Variants in GHR observed in about 807,000 individuals in gnomAD.
GHR encodes GH receptor.
A neutral mutation model predicts 67.1 loss-of-function variants in GHR; 35 were observed. The ratio of observed to expected loss-of-function variants is 0.52; its 90% CI spans 0.40 to 0.69. GHR has a LOEUF of 0.69. Among genes scored for constraint, GHR ranks in the 30% least tolerant of loss-of-function variants. GHR has a pLI of 0.00. For missense variants in GHR, 792 were observed against 764.6 expected (o/e 1.04, Z -0.42); for synonymous variants, 272 against 269.1 (o/e 1.01, Z -0.10).
At chr5:42,606,059 G>A (rs887711045) in intron 2 of GHR, among the ~76,000 whole-genome samples, 23 of 152,128 alleles carry the variant, frequency 1.5e-4, no homozygotes, top group African/African-American at 5.1e-4. Context: ...ACACATAAAT[G>A]CCAGTCCCCC....
At chr5:42,516,117 C>T (rs1305965965) in intron 1 of GHR, among the ~76,000 whole-genome samples, 1 of 152,028 alleles carries the variant, frequency 6.6e-6, no homozygotes, top group Non-Finnish European at 1.5e-5. Flanking sequence ...GGCATTTGCT[C>T]CTGACTTTTC....
At chr5:42,601,220 A>G (rs1317575914) in intron 2 of GHR, among the ~76,000 whole-genome samples, 1 of 152,004 alleles carries the variant, frequency 6.6e-6, no homozygotes, top group Non-Finnish European at 1.5e-5. Context: ...ATCTATTCTT[A>G]TATTTTATTG....
At chr5:42,652,107 A>G (rs1432075281) in intron 3 of GHR, among the ~76,000 whole-genome samples, 1 of 152,204 alleles carries the variant, frequency 6.6e-6, no homozygotes, top group Non-Finnish European at 1.5e-5. Context: ...GGAATTAAGT[A>G]AAATATTGCA....
intron 1 of GHR, among the ~76,000 whole-genome samples, chr5:42,504,397 C>T (rs912401131): frequency 6.6e-6 from 1 of 152,134 alleles, no homozygotes; most frequent in African/African-American, 2.4e-5. Flanking sequence ...CCTGGCTTTA[C>T]GTTGCCTTCA....
chr5:42,450,721 T>G (rs1331896101), intron 1 of GHR, among the ~76,000 whole-genome samples: 1 of 152,154 alleles, frequency 6.6e-6, no homozygotes, highest in Non-Finnish European at 1.5e-5. Context: ...AGGTGTGACC[T>G]TAGATTGTCT....
intron 3 of GHR, among the ~76,000 whole-genome samples, chr5:42,663,262 GATAC>G (rs1339798195): frequency 6.6e-6 from 1 of 152,216 alleles, no homozygotes; most frequent in Non-Finnish European, 1.5e-5. Flanking sequence ...GCATCATCCT[GATAC>G]CAAAGCCTGG....
At chr5:42,704,682 C>T (rs1424443827) in intron 6 of GHR, among the ~76,000 whole-genome samples, 1 of 151,966 alleles carries the variant, frequency 6.6e-6, no homozygotes, top group African/African-American at 2.4e-5. Flanking sequence ...TCTTTGATGA[C>T]AGACTTTTTA....
chr5:42,517,375 G>A (rs986541359), intron 1 of GHR, among the ~76,000 whole-genome samples: 2 of 152,182 alleles, frequency 1.3e-5, no homozygotes, highest in Non-Finnish European at 2.9e-5. Context: ...ATGTGTCTGT[G>A]TTGTTTATGA....
intron 2 of GHR, chr5:42,619,539 A>T (rs1753335028): frequency 6.6e-6 from 1 of 152,180 alleles, no homozygotes; most frequent in Non-Finnish European, 1.5e-5. Flanking sequence ...GGGCCCAGGA[A>T]GGCAGAATTC....
chr5:42,705,834 G>A (rs1758149871), intron 6 of GHR, among the ~76,000 whole-genome samples: 1 of 152,032 alleles, frequency 6.6e-6, no homozygotes, highest in Admixed American at 6.6e-5. Flanking sequence ...TTGCTATTGT[G>A]AATAGTGCTA....
chr5:42,496,226 T>A (rs1049485644), intron 1 of GHR, among the ~76,000 whole-genome samples: 1 of 152,184 alleles, frequency 6.6e-6, no homozygotes, highest in Non-Finnish European at 1.5e-5. Flanking sequence ...ACTTAGGCAT[T>A]CAAAGCAGAG....
intron 3 of GHR, among the ~76,000 whole-genome samples, chr5:42,676,702 T>G (rs73097921): frequency 0.078 from 11,937 of 152,246 alleles, 544 homozygotes; most frequent in Middle Eastern, 0.14. Flanking sequence ...ACAGATCTCT[T>G]TTACCATATT....
intron 4 of GHR, among the ~76,000 whole-genome samples, chr5:42,691,411 T>G (rs1757417008): frequency 6.6e-6 from 1 of 152,214 alleles, no homozygotes; most frequent in African/African-American, 2.4e-5. Flanking sequence ...ATTAGGAGTA[T>G]CAGGACTGGA....
At chr5:42,641,721 G>A (rs1736727697) in intron 3 of GHR, among the ~76,000 whole-genome samples, 1 of 152,168 alleles carries the variant, frequency 6.6e-6, no homozygotes, top group African/African-American at 2.4e-5. Context: ...TTTGTCTTGG[G>A]TAACTTCCCT....
intron 1 of GHR, among the ~76,000 whole-genome samples, chr5:42,458,760 A>G (rs1477356103): frequency 6.6e-6 from 1 of 152,246 alleles, no homozygotes; most frequent in East Asian, 1.9e-4. Context: ...TCTGGTATTC[A>G]GAATCTATAA....
rs72554681 is a variant in GHR, at chr5:42,483,714, G to C, written c.-12+59759G>C. On this transcript the variant is annotated intron_variant, in intron 1 of 9. Coordinates refer to ENST00000230882, the MANE Select transcript of GHR (RefSeq NM_000163.5). ...GCAAGAGTTGAGAAAAACTTATAAA[G>C]GGACCTCTTAGCCCATGTCCATAAC... 2.9e-3 allele frequency among the ~76,000 whole-genome samples: 437 copies of C among 152,240 alleles called. 6 individuals carry two copies. The highest frequency in any genetic ancestry group is 0.01 in the African/African-American group (418 of 41,534).
At chr5:42,529,792 C>T (rs1404840764) in intron 1 of GHR, among the ~76,000 whole-genome samples, 1 of 152,018 alleles carries the variant, frequency 6.6e-6, no homozygotes, top group South Asian at 2.1e-4. Context: ...CCTTTCCAAC[C>T]TGAAAATAGA....
intron 2 of GHR, among the ~76,000 whole-genome samples, chr5:42,567,403 T>A (rs1421819251): frequency 6.6e-6 from 1 of 152,238 alleles, no homozygotes; most frequent in Non-Finnish European, 1.5e-5. Context: ...TTTGAGTTCC[T>A]GAGTGAAGAG....
At chr5:42,656,114 T>C (rs931098050) in intron 3 of GHR, among the ~76,000 whole-genome samples, 1 of 152,116 alleles carries the variant, frequency 6.6e-6, no homozygotes, top group Non-Finnish European at 1.5e-5. Context: ...ACATGTTACA[T>C]GAAGAGGTAA....
Sources: gnomAD v4.1 joint callset for allele counts (sites outside exome capture counted in the v4.1 genomes callset) on GRCh38, gnomAD v4.1.1 for gene constraint, MANE v1.5 for transcripts, NCBI Gene and HGNC (gene_info 2026-07-23, HGNC 2026-07-21) for gene names.